NRG1: variants seen among roughly 807,000 people sequenced by gnomAD.
The protein encoded by NRG1 is pro-neuregulin-1, membrane-bound isoform.
NRG1 carries 18 observed loss-of-function variants against 63.8 expected under a neutral mutation model. The ratio of observed to expected loss-of-function variants is 0.28; its 90% CI spans 0.19 to 0.42. NRG1 has a LOEUF of 0.42. NRG1 is among the 10% of genes least tolerant of loss of function. The pLI is 1.00. For synonymous variants in NRG1, 302 were observed against 301.3 expected, an observed-to-expected ratio of 1.00 and a Z score of -0.02; for missense variants, 762 against 814.7, an observed-to-expected ratio of 0.94 and a Z score of 0.79.
At position 32,584,838 on chromosome 8, in the gene NRG1, A is replaced by C. The variant is rs10954859; in HGVS notation, c.101-10990A>C. The stretch of plus-strand genomic sequence containing the variant: ...TTTGTTCATTTATATGCACTGCTTA[A>C]AAGTTTTCACATAGTTATCATTGTT... On this transcript the variant is annotated intron_variant, in intron 1 of 11. Coordinates refer to ENST00000356819, the Ensembl canonical transcript of NRG1. Among the ~76,000 whole-genome samples, 463 of 152,168 alleles carry C rather than the reference A, an allele frequency of 3.0e-3. 5 individuals carry two copies. Among genetic ancestry groups the C allele is most frequent in the African/African-American group, 8.6e-3 (356 of 41,526 alleles).
chr8:31,837,391 A>G (rs1192411557), intron 1 of NRG1, among the ~76,000 whole-genome samples: 1 of 152,060 alleles, frequency 6.6e-6, no homozygotes, highest in Non-Finnish European at 1.5e-5. Context: ...GACACCTAAT[A>G]ATTTTGCATG....
At chr8:31,924,648 T>A (rs1406133100) in intron 1 of NRG1, among the ~76,000 whole-genome samples, 1 of 151,202 alleles carries the variant, frequency 6.6e-6, no homozygotes, top group African/African-American at 2.4e-5. Flanking sequence ...TCATTTCTAT[T>A]TCCTTTGGGT....
chr8:32,446,136 T>C lies in NRG1; in HGVS notation c.38-149692T>C, dbSNP rs568775509. On this transcript the variant is annotated intron_variant, in intron 1 of 10. Coordinates refer to the NRG1 transcript ENST00000519301. ...TAACACATATAGAGCACTATTGGTG[T>C]CACACAAAACCTTGAAATCAGAATT... is the stretch of plus-strand genomic sequence containing the variant. Among the ~76,000 whole-genome samples, 21 of 152,336 alleles carry C rather than the reference T, an allele frequency of 1.4e-4. No individual in the cohort carries two copies. In the South Asian group the frequency reaches 2.3e-3, roughly 17 times the overall value.
At chr8:32,696,557 T>G (rs1482297605) in intron 5 of NRG1, among the ~76,000 whole-genome samples, 2 of 152,188 alleles carry the variant, frequency 1.3e-5, no homozygotes, top group African/African-American at 4.8e-5. Flanking sequence ...TTACCACTTT[T>G]GCCTGCCCTT....
In NRG1 at chr8:31,845,610, T is replaced by C. The variant is rs150456547; in HGVS notation, c.37+206179T>C. ...TCATGAATTTAGGAGACTGGCGTTT[T>C]TTTTTACATAAAAGTTGCTTTGTTG... On this transcript the variant is annotated intron_variant, in intron 1 of 10. Transcript: ENST00000519301. Among the ~76,000 whole-genome samples the C allele has an allele frequency of 4.9e-4, 74 of 152,286 alleles. 1 individual carries two copies. Among genetic ancestry groups the C allele is most frequent in the African/African-American group, 1.6e-3 (68 of 41,548 alleles).
intron 1 of NRG1, among the ~76,000 whole-genome samples, chr8:32,027,466 T>TTCCTTCCTTCCCTCCCTCCCTCCCTCCC (rs1491191069): frequency 2.1e-4 from 13 of 60,860 alleles, no homozygotes; most frequent in African/African-American, 1.0e-3. Context: ...CCTTCCTTCC[T>TTCCTTCCTTCCCTCCCTCCCTCCCTCCC]TCCCTCCCTC....
intron 1 of NRG1, among the ~76,000 whole-genome samples, chr8:31,758,167 G>A (rs1364783768): frequency 6.6e-6 from 1 of 152,050 alleles, no homozygotes; most frequent in South Asian, 2.1e-4. Flanking sequence ...CCATCAACCT[G>A]TCAACTACAT....
chr8:32,705,426 C>T (rs919782057), intron 5 of NRG1, among the ~76,000 whole-genome samples: 4 of 152,128 alleles, frequency 2.6e-5, no homozygotes, highest in Non-Finnish European at 5.9e-5. Context: ...CCACCGCGCC[C>T]GGCCAAGTGA....
At chr8:31,837,548 A>C (rs552019909) in intron 1 of NRG1, among the ~76,000 whole-genome samples, 19 of 151,980 alleles carry the variant, frequency 1.3e-4, no homozygotes, top group Non-Finnish European at 2.4e-4. Context: ...GCTTGTTGGC[A>C]GTAGTCACCT....
chr8:32,114,384 G>A (rs1418478111), intron 1 of NRG1, among the ~76,000 whole-genome samples: 1 of 152,232 alleles, frequency 6.6e-6, no homozygotes, highest in African/African-American at 2.4e-5. Context: ...GCAACCTCTG[G>A]CATTCCTCTT....
chr8:32,069,273 G>A (rs1036375072), intron 1 of NRG1, among the ~76,000 whole-genome samples: 15 of 152,158 alleles, frequency 9.9e-5, no homozygotes, highest in Non-Finnish European at 2.1e-4. Context: ...GGATACTGTT[G>A]GAAAGGGAGA....
At chr8:31,991,440 A>G (rs1490062295) in intron 1 of NRG1, among the ~76,000 whole-genome samples, 1 of 148,370 alleles carries the variant, frequency 6.7e-6, no homozygotes, top group Non-Finnish European at 1.5e-5. Flanking sequence ...CATCATTATC[A>G]TTTCAGTGAC....
At chr8:32,035,584 TTGTA>T (rs1818908559) in intron 1 of NRG1, among the ~76,000 whole-genome samples, 1 of 152,202 alleles carries the variant, frequency 6.6e-6, no homozygotes, top group Non-Finnish European at 1.5e-5. Flanking sequence ...CTAAGTCTCT[TTGTA>T]TGTCTCAACT....
chr8:32,593,986 C>T (rs1013130884), intron 1 of NRG1, among the ~76,000 whole-genome samples: 7 of 152,072 alleles, frequency 4.6e-5, no homozygotes, highest in African/African-American at 1.7e-4. Context: ...TCCACCTCAT[C>T]TCCCAGCCAC....
chr8:32,700,860 C>T (rs1275932337), intron 5 of NRG1, among the ~76,000 whole-genome samples: 1 of 152,110 alleles, frequency 6.6e-6, no homozygotes, highest in Non-Finnish European at 1.5e-5. Context: ...ATTTCCTCCC[C>T]TTTCCCATCC....
At chr8:32,607,434 A>G (rs1363639900) in intron 3 of NRG1, among the ~76,000 whole-genome samples, 1 of 152,154 alleles carries the variant, frequency 6.6e-6, no homozygotes, top group Non-Finnish European at 1.5e-5. Context: ...ACAAAGTCCC[A>G]GGAAAATAAA....
chr8:31,766,159 A>G (rs939990635), intron 1 of NRG1, among the ~76,000 whole-genome samples: 26 of 152,170 alleles, frequency 1.7e-4, no homozygotes, highest in African/African-American at 5.8e-4. Context: ...ACACACACAC[A>G]TTAACATACC....
At chr8:32,529,290 C>T (rs1255423885) in intron 1 of NRG1, among the ~76,000 whole-genome samples, 1 of 152,142 alleles carries the variant, frequency 6.6e-6, no homozygotes, top group Non-Finnish European at 1.5e-5. Context: ...GCACTTCTCA[C>T]GAATGGAGCT....
intron 1 of NRG1, among the ~76,000 whole-genome samples, chr8:32,313,836 T>C (rs1351302282): frequency 3.3e-5 from 5 of 152,226 alleles, no homozygotes; most frequent in Non-Finnish European, 7.3e-5. Flanking sequence ...CCTCTGAGCA[T>C]ATGTATCTCT....
Sources: gnomAD v4.1 joint callset for allele counts (sites outside exome capture counted in the v4.1 genomes callset) on GRCh38, gnomAD v4.1.1 for gene constraint, MANE v1.5 for transcripts, NCBI Gene and HGNC (gene_info 2026-07-23, HGNC 2026-07-21) for gene names.